ANO2: variants seen among roughly 807,000 people sequenced by gnomAD.
The protein encoded by ANO2 is anoctamin-2.
A neutral mutation model predicts 124.2 loss-of-function variants in ANO2; 101 were observed. The ratio of observed to expected loss-of-function variants is 0.81; its 90% CI spans 0.69 to 0.96. ANO2 has a LOEUF of 0.96. Ranked by LOEUF, ANO2 falls within the 40% of genes least tolerant of loss-of-function variation. The probability of loss-of-function intolerance (pLI) is 0.00; values close to 1 mark genes in which losing one functional copy is unlikely to be tolerated. For synonymous variants in ANO2, 486 were observed against 482.5 expected (o/e 1.01, Z -0.09); for missense variants, 1,293 against 1,274.5 (o/e 1.01, Z -0.22).
chr12:5,568,384 G>A (rs544232485), intron 23 of ANO2, among the ~76,000 whole-genome samples: 16 of 151,686 alleles, frequency 1.1e-4, no homozygotes, highest in South Asian at 4.2e-4. Context: ...CTCCTGATCC[G>A]CCCGTGCTGG....
chr12:5,748,756 A>G (rs961319662), intron 11 of ANO2, among the ~76,000 whole-genome samples: 1 of 151,714 alleles, frequency 6.6e-6, no homozygotes, highest in Non-Finnish European at 1.5e-5. Context: ...ACTGGGGAAA[A>G]CACAGCCCTA....
intron 14 of ANO2, among the ~76,000 whole-genome samples, chr12:5,715,683 G>T (rs1284305293): frequency 6.6e-6 from 1 of 152,192 alleles, no homozygotes; most frequent in Non-Finnish European, 1.5e-5. Flanking sequence ...GTGACAAAAA[G>T]GCAATTCTAC....
chr12:5,744,626 T>C (rs974747422), intron 11 of ANO2, among the ~76,000 whole-genome samples: 2 of 152,184 alleles, frequency 1.3e-5, no homozygotes, highest in Non-Finnish European at 2.9e-5. Flanking sequence ...TCAGAACATC[T>C]GGGGTCCATG....
At chr12:5,731,853 C>A (rs1281559338) in intron 14 of ANO2, among the ~76,000 whole-genome samples, 4 of 152,166 alleles carry the variant, frequency 2.6e-5, no homozygotes, top group Admixed American at 6.5e-5. Context: ...GAACATTGCA[C>A]AAGTAGCTTG....
At chr12:5,597,632 A>T (rs1021661750) in intron 20 of ANO2, among the ~76,000 whole-genome samples, 3 of 152,208 alleles carry the variant, frequency 2.0e-5, no homozygotes, top group African/African-American at 7.2e-5. Flanking sequence ...GTTGACAAGC[A>T]TGTGAAACCC....
chr12:5,731,368 A>G (rs1031112922), intron 14 of ANO2, among the ~76,000 whole-genome samples: 32 of 152,166 alleles, frequency 2.1e-4, no homozygotes, highest in African/African-American at 7.7e-4. Context: ...TTCTTAAAAA[A>G]AAAAAAATGC....
intron 23 of ANO2, among the ~76,000 whole-genome samples, chr12:5,574,003 T>C (rs1280241528): frequency 6.6e-6 from 1 of 152,242 alleles, no homozygotes; most frequent in Non-Finnish European, 1.5e-5. Flanking sequence ...GCACCAAGCA[T>C]GGCAGACATG....
Position 5,578,468 on chromosome 12 carries a change from G to A in ANO2, c.2284C>T (p.Pro762Ser). 6.2e-7 allele frequency: 1 copy of A among 1,613,948 alleles called. No homozygotes were observed. The highest frequency in any genetic ancestry group is 8.5e-7 in the Non-Finnish European group (1 of 1,179,858). Residue 762 changes from proline (P) to serine (S), a missense_variant, in exon 21 of 25, where the codon CCT becomes TCT. Transcript: ENST00000682330. ...ACGTTGTTGAGGAGGGCAAACACAG[G>A]TGCCAGGGGAAAGGAGGCCACGAAG... Reference protein sequence around the residue: ...TLFVASFPLAPVFALLNNVIE... With the variant: ...TLFVASFPLASVFALLNNVIE...
chr12:5,873,709 T>C (rs1444924699), intron 3 of ANO2, among the ~76,000 whole-genome samples: 5 of 152,226 alleles, frequency 3.3e-5, no homozygotes, highest in Admixed American at 1.3e-4. Context: ...GCACCCCGAC[T>C]GAATCCTCCC....
intron 10 of ANO2, among the ~76,000 whole-genome samples, chr12:5,756,866 G>A (rs1422765241): frequency 6.6e-6 from 1 of 152,254 alleles, no homozygotes. Context: ...AAGTGGGTGG[G>A]TCTGTCACCA....
intron 10 of ANO2, among the ~76,000 whole-genome samples, chr12:5,758,352 C>A (rs1951641597): frequency 6.6e-6 from 1 of 152,186 alleles, no homozygotes; most frequent in Non-Finnish European, 1.5e-5. Context: ...AAGAAACCGT[C>A]ATTTCTGAGG....
At chr12:5,714,973 C>T (rs992870332) in intron 14 of ANO2, among the ~76,000 whole-genome samples, 4 of 152,038 alleles carry the variant, frequency 2.6e-5, no homozygotes, top group Admixed American at 2.0e-4. Flanking sequence ...AAGTGACTAT[C>T]GATGGGAGTT....
intron 3 of ANO2, among the ~76,000 whole-genome samples, chr12:5,876,909 T>C (rs1938142516): frequency 6.6e-6 from 1 of 152,194 alleles, no homozygotes; most frequent in African/African-American, 2.4e-5. Context: ...CAAACCACCA[T>C]GGCACATGTA....
intron 20 of ANO2, among the ~76,000 whole-genome samples, chr12:5,586,594 T>C (rs1459541275): frequency 6.6e-6 from 1 of 152,206 alleles, no homozygotes; most frequent in African/African-American, 2.4e-5. Flanking sequence ...ATTGCAGTCT[T>C]TACCATCCAT....
intron 3 of ANO2, among the ~76,000 whole-genome samples, chr12:5,886,199 G>C (rs1181554665): frequency 6.6e-6 from 1 of 152,086 alleles, no homozygotes; most frequent in African/African-American, 2.4e-5. Flanking sequence ...AAAGCAGCAT[G>C]GTTCACAATA....
Position 5,577,957 on chromosome 12 carries a change from T to G in ANO2, c.2437A>C (p.Asn813His). Residue 813 changes from asparagine (N) to histidine (H), a missense_variant and splice_region_variant, in exon 22 of 25, where the codon AAC becomes CAC. Asn to His is a moderately conservative substitution (Grantham distance 68). Transcript: ENST00000682330. ...GTGTCATGAATGCAAGTACTTACGT[T>G]GCTGATAACAGAGAACTTGCCAATT... ...SGIGKFSVISNAFVIAITSDF... is the reference protein window; with the variant it reads ...SGIGKFSVISHAFVIAITSDF... 1.2e-6 allele frequency: 2 copies of G among 1,613,478 alleles called. No homozygotes were observed. Among genetic ancestry groups the G allele is most frequent in the African/African-American group, 1.3e-5 (1 of 75,022 alleles).
At chr12:5,852,689 G>A (rs1954948478) in intron 4 of ANO2, among the ~76,000 whole-genome samples, 1 of 152,074 alleles carries the variant, frequency 6.6e-6, no homozygotes, top group Non-Finnish European at 1.5e-5. Context: ...GAGTCGGCAT[G>A]GTAACGAGGG....
chr12:5,589,167 G>A (rs1233959427), intron 20 of ANO2, among the ~76,000 whole-genome samples: 1 of 152,172 alleles, frequency 6.6e-6, no homozygotes, highest in Admixed American at 6.5e-5. Flanking sequence ...CATCTGCTGT[G>A]AACTTCATCT....
At chr12:5,573,151 T>C (rs923563052) in intron 23 of ANO2, among the ~76,000 whole-genome samples, 15 of 152,194 alleles carry the variant, frequency 9.9e-5, no homozygotes, top group African/African-American at 3.4e-4. Flanking sequence ...GGGCAGAGAC[T>C]GGATTTGGGC....
Sources: gnomAD v4.1 joint callset for allele counts (sites outside exome capture counted in the v4.1 genomes callset) on GRCh38, gnomAD v4.1.1 for gene constraint, MANE v1.5 for transcripts, NCBI Gene and HGNC (gene_info 2026-07-23, HGNC 2026-07-21) for gene names.